Variants in HSP90AA1 observed in about 807,000 individuals in gnomAD.
HSP90AA1 encodes heat shock protein 90 alpha family class A member 1, also known as heat shock protein HSP 90-alpha.
HSP90AA1 carries 18 observed loss-of-function variants against 73.3 expected under a neutral mutation model. The observed-to-expected ratio is 0.25, with a 90% CI of 0.17 to 0.36. HSP90AA1 has a LOEUF of 0.36. Among genes scored for constraint, HSP90AA1 ranks in the 10% least tolerant of loss-of-function variants. The probability of loss-of-function intolerance (pLI) is 1.00; values close to 1 mark genes in which losing one functional copy is unlikely to be tolerated. For synonymous variants in HSP90AA1, 477 were observed against 296.9 expected, an observed-to-expected ratio of 1.61 and a Z score of -6.24; for missense variants, 704 against 874.2, an observed-to-expected ratio of 0.81 and a Z score of 2.45.
At chr14:102,102,409 G>T (rs371613082) in intron 1 of HSP90AA1, among the ~76,000 whole-genome samples, 9 of 152,164 alleles carry the variant, frequency 5.9e-5, no homozygotes, top group Non-Finnish European at 1.0e-4. Flanking sequence ...GAACTTAGTT[G>T]TTATTATTCC....
chr14:102,097,641 C>G (rs1480423002), intron 2 of HSP90AA1, among the ~76,000 whole-genome samples: 1 of 152,102 alleles, frequency 6.6e-6, no homozygotes, highest in Non-Finnish European at 1.5e-5. Context: ...TCAGATACCC[C>G]TCGAGGTGGG....
chr14:102,088,599 T>G (rs910194769), upstream of HSP90AA1, among the ~76,000 whole-genome samples: 2 of 152,148 alleles, frequency 1.3e-5, no homozygotes, highest in African/African-American at 4.8e-5. Flanking sequence ...GGTGTGTGCC[T>G]GGTCCTGTGG....
In HSP90AA1 at chr14:102,102,031, CA is replaced by C. The variant is rs1482973552; in HGVS notation, c.209del (p.Leu70ArgfsTer53). On this transcript the variant is annotated frameshift_variant, in exon 2 of 12. Coordinates refer to the HSP90AA1 transcript ENST00000334701. LOFTEE classifies it high-confidence loss of function. ...GTAGAGTGGTGGATCCAGACACCAT[CA>C]GATGCCAGAGAAACACTTGGGCCTT... The C allele has an allele frequency of 3.7e-6, 6 of 1,614,060 alleles. No individual in the cohort carries two copies. The South Asian group carries it at 6.6e-5, about 18-fold the overall frequency.
chr14:102,135,351 G>A (rs1045215998), intron 1 of HSP90AA1, among the ~76,000 whole-genome samples: 1 of 152,034 alleles, frequency 6.6e-6, no homozygotes, highest in Non-Finnish European at 1.5e-5. Context: ...GTTCTCCAAG[G>A]CCCCACCAGA....
chr14:102,139,303 C>T, exon 1 of HSP90AA1: 4 of 1,613,958 alleles, frequency 2.5e-6, no homozygotes, highest in Non-Finnish European at 2.5e-6. Flanking sequence ...GGCGGGGATC[C>T]AGACGGTCGC....
upstream of HSP90AA1, chr14:102,087,190 A>AC: frequency 6.1e-6 from 6 of 978,368 alleles, no homozygotes; most frequent in Non-Finnish European, 7.3e-6. Context: ...TTGCCGCGGC[A>AC]CCCCGCCCCC....
chr14:102,086,837 G>A (rs1310297952), intron 1 of HSP90AA1, 149 bp downstream of exon 1: 5 of 279,164 alleles, frequency 1.8e-5, no homozygotes, highest in African/African-American at 9.2e-5. Context: ...CGGTCCCGAG[G>A]CCTCCGGAAT....
intron 1 of HSP90AA1, among the ~76,000 whole-genome samples, chr14:102,105,350 A>G (rs1018558043): frequency 5.9e-5 from 9 of 152,150 alleles, no homozygotes; most frequent in African/African-American, 2.2e-4. Context: ...AGACAGATGC[A>G]AGAACATGTA....
intron 1 of HSP90AA1, among the ~76,000 whole-genome samples, chr14:102,118,923 C>T (rs539106647): frequency 6.1e-5 from 9 of 148,744 alleles, no homozygotes; most frequent in East Asian, 2.0e-4. Context: ...GGTGCAATCT[C>T]GGCTCACTGC....
At chr14:102,112,485 T>TTA (rs977509876) in intron 1 of HSP90AA1, among the ~76,000 whole-genome samples, 31 of 152,174 alleles carry the variant, frequency 2.0e-4, no homozygotes, top group African/African-American at 5.8e-4. Flanking sequence ...TCCCTTTTTT[T>TTA]TTGTTTTAAA....
At chr14:102,095,275 TG>T (rs1164138084) in intron 2 of HSP90AA1, among the ~76,000 whole-genome samples, 17 of 152,030 alleles carry the variant, frequency 1.1e-4, no homozygotes, top group African/African-American at 3.9e-4. Flanking sequence ...AAGAGAGGCC[TG>T]GGGGACAGGA....
chr14:102,101,218 G>A (rs1398848700), intron 2 of HSP90AA1, among the ~76,000 whole-genome samples: 6 of 152,128 alleles, frequency 3.9e-5, no homozygotes, highest in Non-Finnish European at 8.8e-5. Flanking sequence ...ATATTAGCAG[G>A]GCTCCAGAAG....
chr14:102,109,237 T>C (rs530526792), intron 1 of HSP90AA1, among the ~76,000 whole-genome samples: 1 of 152,334 alleles, frequency 6.6e-6, no homozygotes, highest in South Asian at 2.1e-4. Flanking sequence ...TCTGGCTATG[T>C]CCACTCAGCA....
At chr14:102,099,817 C>T (rs1268465471) in intron 2 of HSP90AA1, among the ~76,000 whole-genome samples, 7 of 152,276 alleles carry the variant, frequency 4.6e-5, no homozygotes, top group South Asian at 2.1e-4. Context: ...GATGTCCCTC[C>T]GTTCTCACAG....
chr14:102,139,171 T>G, intron 1 of HSP90AA1: 5 of 1,525,416 alleles, frequency 3.3e-6, no homozygotes, highest in Non-Finnish European at 4.5e-6. Flanking sequence ...AGAACACCTA[T>G]GCTGTACCAC....
chr14:102,130,949 G>T (rs977981856), intron 1 of HSP90AA1, among the ~76,000 whole-genome samples: 4 of 152,090 alleles, frequency 2.6e-5, no homozygotes, highest in African/African-American at 9.7e-5. Context: ...GAACTTCTGG[G>T]TTCAAGTGAT....
chr14:102,108,905 A>G lies in HSP90AA1; in HGVS notation c.156-6820T>C, dbSNP rs544160144. Among the ~76,000 whole-genome samples, 14 of 152,296 alleles carry G rather than the reference A, an allele frequency of 9.2e-5. No homozygotes were observed. In the South Asian group the frequency reaches 2.3e-3, roughly 25 times the overall value. ...TACACTGTTGAACAGTAGTGGAGATAGTGGTCATTCTCTTCCTGACTTTAG... is the reference window on the plus strand; with the variant it reads ...TACACTGTTGAACAGTAGTGGAGATGGTGGTCATTCTCTTCCTGACTTTAG... On this transcript the variant is annotated intron_variant, in intron 1 of 11. Coordinates refer to the HSP90AA1 transcript ENST00000334701.
chr14:102,134,803 G>C (rs1219081798), intron 1 of HSP90AA1, among the ~76,000 whole-genome samples: 1 of 152,164 alleles, frequency 6.6e-6, no homozygotes. Flanking sequence ...AAAGAACAAA[G>C]CTTCTACAGT....
At position 102,086,018 on chromosome 14, in the gene HSP90AA1, G is replaced by T; in HGVS notation, c.269C>A (p.Thr90Asn). 1 of 1,613,968 alleles carries T rather than the reference G, an allele frequency of 6.2e-7. No homozygotes were observed. Among genetic ancestry groups the T allele is most frequent in the Non-Finnish European group, 8.5e-7 (1 of 1,179,868 alleles). The change falls in exon 3 of 11, where the codon ACT (threonine) becomes AAT (asparagine). Residue 90 changes from threonine to asparagine, a missense_variant. By Grantham distance (65) the Thr-to-Asn change is moderately conservative. Coordinates refer to ENST00000216281, the MANE Select transcript of HSP90AA1 (RefSeq NM_005348.4). ...LIPNKQDRTL[T>N]IVDTGIGMTK... ...CATTCCAATTCCAGTATCCACAATA[G>T]TGAGAGTTCGATCTTGTTTGTTCGG...
Sources: allele counts gnomAD v4.1 joint callset (sites outside exome capture counted in the v4.1 genomes callset), GRCh38; gene constraint gnomAD v4.1.1; transcripts MANE v1.5; gene names NCBI Gene and HGNC (gene_info 2026-07-23, HGNC 2026-07-21).